FAR1: variants seen among roughly 807,000 people sequenced by gnomAD.
FAR1 encodes male sterility domain-containing protein 2.
FAR1 carries 22 observed loss-of-function variants against 61.1 expected under a neutral mutation model. That is an observed-to-expected ratio of 0.36 (90% CI 0.26 to 0.51). The LOEUF (loss-of-function observed/expected upper bound fraction) is 0.51, where lower values mean the gene tolerates loss of function less well. Among genes scored for constraint, FAR1 ranks in the 20% least tolerant of loss-of-function variants. The pLI, the probability that FAR1 is intolerant of heterozygous loss-of-function variation, is 0.95. For missense variants in FAR1, 359 were observed against 626.9 expected, an observed-to-expected ratio of 0.57 and a Z score of 4.56; for synonymous variants, 206 against 209.7, an observed-to-expected ratio of 0.98 and a Z score of 0.15.
In FAR1 at chr11:13,721,760, A is replaced by G. The variant is rs781428789; in HGVS notation, c.1158A>G (p.Lys386=). ...TGAAAACAATAACTCGTCTTCACAA[A>G]GCTATGGTGTTTCTTGAATATTTCA... ...RMMKTITRLH[K]AMVFLEYFTS... is the part of the protein sequence containing the mutation. The change falls in exon 10 of 12, where the codon AAA becomes AAG. Residue 386 remains lysine, a synonymous_variant. Transcript: ENST00000354817. This position sits in a 1 kb window ranked among gnomAD's most constrained non-coding sequence, Gnocchi z 4.2. The G allele has an allele frequency of 2.9e-5, 47 of 1,611,270 alleles. No homozygotes were observed. The highest frequency in any genetic ancestry group is 4.0e-5 in the Non-Finnish European group (47 of 1,178,672).
chr11:13,701,525 A>C (rs555789982), intron 3 of FAR1, among the ~76,000 whole-genome samples: 85 of 152,256 alleles, frequency 5.6e-4, no homozygotes, highest in African/African-American at 1.9e-3. Flanking sequence ...TGTCTCTATA[A>C]GCAAAATATT....
At chr11:13,708,440 C>T (rs965131818) in intron 4 of FAR1, among the ~76,000 whole-genome samples, 10 of 96,932 alleles carry the variant, frequency 1.0e-4, no homozygotes, top group African/African-American at 3.1e-4. Flanking sequence ...CATGTGCGCG[C>T]GCGCGCGCAC....
At position 13,727,545 on chromosome 11, in the gene FAR1, T is replaced by C. The variant is rs372519387; in HGVS notation, c.1258-11T>C. ...TCAAGAAAATAATCAGTAATTTTTTTGTTAACGTAGACCTTCAATATTGAT... is the reference window on the plus strand; with the variant it reads ...TCAAGAAAATAATCAGTAATTTTTTCGTTAACGTAGACCTTCAATATTGAT... On this transcript the variant is annotated splice_polypyrimidine_tract_variant and intron_variant, in intron 10 of 11. Transcript: ENST00000354817. 7.3e-5 allele frequency: 115 copies of C among 1,572,674 alleles called. No individual in the cohort carries two copies. The highest frequency in any genetic ancestry group is 3.7e-5 in the Non-Finnish European group (43 of 1,163,736).
At chr11:13,682,081 A>G (rs767842094) in intron 1 of FAR1, among the ~76,000 whole-genome samples, 10 of 152,206 alleles carry the variant, frequency 6.6e-5, no homozygotes, top group Admixed American at 2.6e-4. Flanking sequence ...TTAAAAATAT[A>G]TATCTTGAAA....
chr11:13,711,805 T>A lies in FAR1; in HGVS notation c.765T>A (p.Ile255=), dbSNP rs766723201. The part of the protein sequence containing the change: ...DNFNGPSGLF[I]AAGKGILRTI... ...TTAATGGACCAAGTGGTCTCTTTAT[T>A]GCGGTAAGTAAACCTTTTGATTTAT... Residue 255 remains isoleucine, a synonymous_variant, in exon 6 of 12, where the codon ATT becomes ATA. Coordinates refer to ENST00000354817, the MANE Select transcript of FAR1 (RefSeq NM_032228.6). 1.2e-6 allele frequency: 2 copies of A among 1,600,578 alleles called. No homozygotes were observed. Among genetic ancestry groups the A allele is most frequent in the Non-Finnish European group, 1.7e-6 (2 of 1,174,586 alleles).
At chr11:13,693,420 T>G (rs1848275182) in intron 1 of FAR1, among the ~76,000 whole-genome samples, 1 of 152,220 alleles carries the variant, frequency 6.6e-6, no homozygotes, top group Admixed American at 6.5e-5. Flanking sequence ...CGTTTGTGGA[T>G]GTTTGGAGCA....
intron 2 of FAR1, among the ~76,000 whole-genome samples, chr11:13,697,470 AAAAAT>A (rs1165687259): frequency 1.3e-5 from 2 of 152,146 alleles, no homozygotes; most frequent in East Asian, 1.9e-4. Context: ...CAAAAAAATA[AAAAAT>A]AAAATGAAGT....
chr11:13,708,462 C>CACACACAT (rs2134189924), intron 4 of FAR1, among the ~76,000 whole-genome samples: 1 of 147,836 alleles, frequency 6.8e-6, no homozygotes, highest in South Asian at 2.2e-4. Context: ...CACACACACA[C>CACACACAT]ACACACACAC....
intron 1 of FAR1, chr11:13,686,573 T>G (rs144586509): frequency 1.3e-5 from 2 of 152,312 alleles, no homozygotes; most frequent in Admixed American, 1.3e-4. Flanking sequence ...AGTGCAATAG[T>G]GAGAAGAAGG....
At chr11:13,708,480 C>CACACACACAT (rs1250984773) in intron 4 of FAR1, among the ~76,000 whole-genome samples, 1 of 124,716 alleles carries the variant, frequency 8.0e-6, no homozygotes, top group South Asian at 2.8e-4. Context: ...CACACACATA[C>CACACACACAT]ATTTATCTCT....
At position 13,718,870 on chromosome 11, in the gene FAR1, C is replaced by G. The variant is rs373540182; in HGVS notation, c.1128-2860C>G. Among the ~76,000 whole-genome samples, 30 of 152,198 alleles carry G rather than the reference C, an allele frequency of 2.0e-4. No homozygotes were observed. The South Asian group carries it at 5.6e-3, about 28-fold the overall frequency. The stretch of plus-strand genomic sequence containing the variant: ...AGCTGGGGTGGCTGGGCATCTCTCT[C>G]TCTCCAGTAGTGTCATACCCTCTCC... On this transcript the variant is annotated intron_variant, in intron 9 of 11. Coordinates refer to ENST00000354817, the MANE Select transcript of FAR1 (RefSeq NM_032228.6).
chr11:13,713,388 G>A (rs1424413556), intron 8 of FAR1, among the ~76,000 whole-genome samples: 1 of 152,008 alleles, frequency 6.6e-6, no homozygotes, highest in African/African-American at 2.4e-5. Context: ...TCCATAGGCA[G>A]TATCACTTCT....
rs1403256917 is a variant in FAR1 at position 13,732,267 on chromosome 11, C to A, written c.*3493C>A. The A allele has an allele frequency of 6.6e-6, 1 of 152,094 alleles. No individual in the cohort carries two copies. Among genetic ancestry groups the A allele is most frequent in the African/African-American group, 2.4e-5 (1 of 41,424 alleles). The allele number at this position is 152,094 out of a possible 1,614,324, so 9.4% of individuals were successfully genotyped here. A position where few individuals can be genotyped will look rare whatever the true frequency, so the allele number is the denominator to read the frequency against. ...GCTATCCTTAAGATCCTAAACAAAT[C>A]ATCTTTGTCAGTTAAGTATAGTTGC... On this transcript the variant is annotated 3_prime_UTR_variant, in exon 12 of 12. Coordinates refer to ENST00000354817, the MANE Select transcript of FAR1 (RefSeq NM_032228.6).
In FAR1 at chr11:13,729,841, T is replaced by C. The variant is rs574823989; in HGVS notation, c.*1067T>C. 2.0e-3 allele frequency: 303 copies of C among 152,366 alleles called. No individual in the cohort carries two copies. The highest frequency in any genetic ancestry group is 7.1e-3 in the African/African-American group (296 of 41,522). The allele number at this position is 152,366 out of a possible 1,614,324, so 9.4% of individuals were successfully genotyped here. A position where few individuals can be genotyped will look rare whatever the true frequency, so the allele number is the denominator to read the frequency against. ...GAAAGATGAATTCCTTCAAGAAAAA[T>C]AAAATAATGCTTAAGATAATGTGTA... On this transcript the variant is annotated 3_prime_UTR_variant, in exon 12 of 12. Coordinates refer to ENST00000354817, the MANE Select transcript of FAR1 (RefSeq NM_032228.6).
chr11:13,715,064 G>A (rs978871723), intron 9 of FAR1, among the ~76,000 whole-genome samples: 7 of 152,200 alleles, frequency 4.6e-5, no homozygotes, highest in Non-Finnish European at 7.4e-5. Flanking sequence ...ACAGCCTATC[G>A]CATCATTATC....
chr11:13,685,251 A>G, intron 1 of FAR1, among the ~76,000 whole-genome samples: 1 of 151,920 alleles, frequency 6.6e-6, no homozygotes, highest in Non-Finnish European at 1.5e-5. Context: ...AATCCTGGTA[A>G]AGTCTAATTG....
chr11:13,696,892 C>T (rs1302149740), intron 2 of FAR1, among the ~76,000 whole-genome samples: 1 of 152,184 alleles, frequency 6.6e-6, no homozygotes, highest in Non-Finnish European at 1.5e-5. Context: ...AAAGCACATA[C>T]CACCATATGG....
At chr11:13,709,702 A>G (rs112613239) in intron 4 of FAR1, among the ~76,000 whole-genome samples, 4,897 of 151,978 alleles carry the variant, frequency 0.032, 111 homozygotes, top group Non-Finnish European at 0.047. Context: ...TTGGGTAGCA[A>G]TTTCCCTTCA....
intron 1 of FAR1, among the ~76,000 whole-genome samples, chr11:13,673,657 A>T (rs183699863): frequency 8.7e-4 from 132 of 152,334 alleles, no homozygotes; most frequent in African/African-American, 3.1e-3. Flanking sequence ...AATAAATGAC[A>T]GTGATTTTTT....
Sources: allele counts gnomAD v4.1 joint callset (sites outside exome capture counted in the v4.1 genomes callset), GRCh38; gene constraint gnomAD v4.1.1; non-coding constraint Gnocchi (gnomAD v3.1); transcripts MANE v1.5; gene names NCBI Gene and HGNC (gene_info 2026-07-23, HGNC 2026-07-21).